The following SGCD variants were observed in gnomAD, a reference collection of about 807,000 sequenced individuals.
The protein encoded by SGCD is delta-sarcoglycan.
In SGCD, 18 loss-of-function variants were observed where a neutral mutation model predicts 36.6. That is an observed-to-expected ratio of 0.49 (90% confidence interval 0.34 to 0.73). The LOEUF (loss-of-function observed/expected upper bound fraction) is 0.73, where lower values mean the gene tolerates loss of function less well. SGCD is among the 30% of genes least tolerant of loss of function. The probability of loss-of-function intolerance (pLI) is 0.01; values close to 1 mark genes in which losing one functional copy is unlikely to be tolerated. For synonymous variants in SGCD, 133 were observed against 130.6 expected, an observed-to-expected ratio of 1.02 and a Z score of -0.12; for missense variants, 387 against 346.7, an observed-to-expected ratio of 1.12 and a Z score of -0.92.
chr5:156,505,988 C>A (rs256823), intron 3 of SGCD, among the ~76,000 whole-genome samples: 88,972 of 151,980 alleles, frequency 0.59, 26,294 homozygotes, highest in African/African-American at 0.64. Flanking sequence ...ATTCAGCCTC[C>A]CTGGGTATCA....
At chr5:156,667,038 GAA>G (rs1344129856) in intron 7 of SGCD, among the ~76,000 whole-genome samples, 17 of 152,262 alleles carry the variant, frequency 1.1e-4, no homozygotes, top group Admixed American at 4.6e-4. Context: ...CTCTAAAATT[GAA>G]AACTTTTTGA....
At chr5:155,872,701 T>C (rs1049810577) in intron 1 of SGCD, among the ~76,000 whole-genome samples, 17 of 152,140 alleles carry the variant, frequency 1.1e-4, no homozygotes, top group African/African-American at 3.9e-4. Context: ...GAATGTCAGA[T>C]GCTGTACCAA....
intron 7 of SGCD, among the ~76,000 whole-genome samples, chr5:156,708,963 G>A (rs1441596486): frequency 2.6e-5 from 4 of 152,176 alleles, no homozygotes; most frequent in East Asian, 3.9e-4. Flanking sequence ...ATTTTAGCAG[G>A]GCTTGTTACA....
At chr5:156,176,192 G>C (rs1450986236) in intron 3 of SGCD, among the ~76,000 whole-genome samples, 9 of 151,884 alleles carry the variant, frequency 5.9e-5, no homozygotes, top group Admixed American at 5.9e-4. Context: ...TACTTGCTAG[G>C]AGCATGACTG....
rs10079206 is a variant in SGCD, at chr5:155,909,278, T to G, written c.-282+38854T>G. On this transcript the variant is annotated intron_variant, in intron 1 of 9. Coordinates refer to the SGCD transcript ENST00000517913. ...AATACCCAAAGCTATTTTATTCTAA[T>G]AGACCTTAAAAATAGTTGGTTTGCT... Among the ~76,000 whole-genome samples, 1,434 of 152,278 alleles carry G rather than the reference T, an allele frequency of 9.4e-3. 28 individuals carry two copies. The highest frequency in any genetic ancestry group is 0.032 in the African/African-American group (1,324 of 41,570).
Position 156,482,290 on chromosome 5 carries a change from T to C in SGCD, c.193-26311T>C, listed in dbSNP as rs529775198. 1.2e-4 allele frequency among the ~76,000 whole-genome samples: 19 copies of C among 152,126 alleles called. No individual in the cohort carries two copies. The East Asian group carries it at 3.7e-3, about 29-fold the overall frequency. ...CTGAAAAAAAAAAACTGCTAACATATAGAAGATGCTTAAATCTCCACTGTC... is the reference window on the plus strand; with the variant it reads ...CTGAAAAAAAAAAACTGCTAACATACAGAAGATGCTTAAATCTCCACTGTC... On this transcript the variant is annotated intron_variant, in intron 3 of 8. Transcript: ENST00000337851.
At chr5:155,776,265 G>T in the SGCD span, among the ~76,000 whole-genome samples, 4 of 152,082 alleles carry the variant, frequency 2.6e-5, no homozygotes, top group Non-Finnish European at 4.4e-5. Context: ...ACTCAGTCTG[G>T]CCCTGTTTGG....
chr5:156,195,591 A>C (rs1356945174), intron 3 of SGCD, among the ~76,000 whole-genome samples: 1 of 152,286 alleles, frequency 6.6e-6, no homozygotes, highest in African/African-American at 2.4e-5. Flanking sequence ...TAACATGTTA[A>C]TGTACATGCT....
At chr5:156,731,489 T>C (rs1392991312) in intron 7 of SGCD, among the ~76,000 whole-genome samples, 2 of 152,204 alleles carry the variant, frequency 1.3e-5, no homozygotes, top group Admixed American at 6.5e-5. Flanking sequence ...ATTTATTGAA[T>C]AGGGAGTCCT....
chr5:156,094,516 T>G (rs893166695), intron 1 of SGCD, among the ~76,000 whole-genome samples: 3 of 152,186 alleles, frequency 2.0e-5, no homozygotes, highest in Admixed American at 6.5e-5. Flanking sequence ...GACAAAATAA[T>G]TTTAGCTGGA....
chr5:156,385,121 G>T (rs757189796), intron 3 of SGCD, among the ~76,000 whole-genome samples: 4 of 152,214 alleles, frequency 2.6e-5, no homozygotes, highest in Admixed American at 6.5e-5. Flanking sequence ...GGAGTGAAGT[G>T]CAGTGGAAAG....
intron 7 of SGCD, among the ~76,000 whole-genome samples, chr5:156,753,972 G>A (rs1050666557): frequency 7.9e-5 from 12 of 152,238 alleles, no homozygotes; most frequent in African/African-American, 2.9e-4. Context: ...AGGACATTAA[G>A]CTGGGCTGTA....
At chr5:156,172,128 C>CA (rs1280748146) in intron 3 of SGCD, among the ~76,000 whole-genome samples, 1 of 151,974 alleles carries the variant, frequency 6.6e-6, no homozygotes, top group African/African-American at 2.4e-5. Flanking sequence ...ACTAAAAATA[C>CA]AAAAAACTAG....
intron 1 of SGCD, among the ~76,000 whole-genome samples, chr5:155,985,119 G>A (rs1210145501): frequency 2.0e-5 from 3 of 152,116 alleles, no homozygotes; most frequent in Admixed American, 6.5e-5. Context: ...ACAAATTACC[G>A]TACATTTCAC....
chr5:156,507,231 C>A (rs1023824082), intron 3 of SGCD, among the ~76,000 whole-genome samples: 6 of 152,132 alleles, frequency 3.9e-5, no homozygotes, highest in African/African-American at 1.4e-4. Context: ...AGTGAAATCT[C>A]AAGGGTCCTT....
At chr5:156,566,367 T>C (rs961552917) in intron 4 of SGCD, among the ~76,000 whole-genome samples, 1 of 152,212 alleles carries the variant, frequency 6.6e-6, no homozygotes, top group African/African-American at 2.4e-5. Flanking sequence ...TATTTTAATA[T>C]TGCAATAAGA....
the SGCD span, among the ~76,000 whole-genome samples, chr5:155,740,211 GC>G: frequency 6.6e-6 from 1 of 152,148 alleles, no homozygotes; most frequent in African/African-American, 2.4e-5. Context: ...TGATCCTCCT[GC>G]CTCAGCCTCC....
At chr5:156,646,353 G>A (rs752506468) in intron 6 of SGCD, among the ~76,000 whole-genome samples, 1 of 152,140 alleles carries the variant, frequency 6.6e-6, no homozygotes, top group African/African-American at 2.4e-5. Flanking sequence ...CATTGAGAAA[G>A]CAATAATTTA....
intron 3 of SGCD, among the ~76,000 whole-genome samples, chr5:156,156,397 G>A (rs1455887541): frequency 6.6e-6 from 1 of 151,590 alleles, no homozygotes; most frequent in East Asian, 1.9e-4. Context: ...GGGAAGCTGA[G>A]GTGGGCAGAT....
Sources: gnomAD v4.1 joint callset for allele counts (sites outside exome capture counted in the v4.1 genomes callset) on GRCh38, gnomAD v4.1.1 for gene constraint, MANE v1.5 for transcripts, NCBI Gene and HGNC (gene_info 2026-07-23, HGNC 2026-07-21) for gene names.